The following ANO3 variants were observed in gnomAD, a reference collection of about 807,000 sequenced individuals.
ANO3 encodes the protein anoctamin 3.
In ANO3, 99 loss-of-function variants were observed where a neutral mutation model predicts 144.8. The ratio of observed to expected loss-of-function variants is 0.68; its 90% confidence interval spans 0.58 to 0.81. The LOEUF is 0.81. Among genes scored for constraint, ANO3 ranks in the 30% least tolerant of loss-of-function variants. The pLI, the probability that ANO3 is intolerant of heterozygous loss-of-function variation, is 0.00. For missense variants in ANO3, 905 were observed against 1,202.2 expected, an observed-to-expected ratio of 0.75 and a Z score of 3.66; for synonymous variants, 414 against 392.6, an observed-to-expected ratio of 1.05 and a Z score of -0.64.
chr11:26,348,699 TTTTA>T (rs1855559379), intron 1 of ANO3, among the ~76,000 whole-genome samples: 1 of 152,222 alleles, frequency 6.6e-6, no homozygotes, highest in African/African-American at 2.4e-5. Context: ...CACTCATTTA[TTTTA>T]TTTACTCATT....
rs758291457 is a variant in ANO3, at chr11:26,643,215, C to T, written c.2309C>T (p.Ala770Val). The change falls in exon 23 of 27, where the codon GCG (alanine) becomes GTG (valine). Residue 770 changes from alanine to valine, a missense_variant. By Grantham distance (64) the Ala-to-Val change is moderately conservative (BLOSUM62 0). Transcript: ENST00000256737. ...LQFGFTTIFV[A>V]AFPLAPLLAL... ...TTTGGTTTTACCACCATCTTTGTTG[C>T]GGCTTTTCCTCTAGCCCCTCTTTTG... 6 of 1,613,908 alleles carry T rather than the reference C, an allele frequency of 3.7e-6. No homozygotes were observed. Among genetic ancestry groups the T allele is most frequent in the East Asian group, 2.2e-5 (1 of 44,874 alleles).
intron 14 of ANO3, chr11:26,565,931 A>G (rs1404005960): frequency 2.0e-6 from 3 of 1,503,360 alleles, no homozygotes; most frequent in Non-Finnish European, 1.8e-6. Flanking sequence ...AATTCCTTAA[A>G]TAAAATACTC....
chr11:26,190,836 C>G (rs75348551), intron 1 of ANO3, among the ~76,000 whole-genome samples: 2,316 of 152,328 alleles, frequency 0.015, 49 homozygotes, highest in East Asian at 0.13. Flanking sequence ...ATGCCTCAAA[C>G]TCAACACATC....
intron 11 of ANO3, 129 bp downstream of exon 11, chr11:26,542,197 T>C: frequency 2.0e-6 from 2 of 1,003,034 alleles, no homozygotes; most frequent in Non-Finnish European, 2.7e-6. Context: ...ATAAGATTTT[T>C]CAGTAAAAGA....
At chr11:26,500,631 A>G (rs1861155329) in intron 4 of ANO3, among the ~76,000 whole-genome samples, 1 of 152,102 alleles carries the variant, frequency 6.6e-6, no homozygotes, top group Admixed American at 6.6e-5. Context: ...TCATTCATCC[A>G]TTTTTAATTG....
At chr11:26,656,351 T>C in intron 25 of ANO3, 25 bp from the exon 26 acceptor site, 1 of 1,536,494 alleles carries the variant, frequency 6.5e-7, no homozygotes. Flanking sequence ...CTATTTGTCA[T>C]TCTCTTTGTT....
chr11:26,489,062 G>A (rs188023870), intron 4 of ANO3, among the ~76,000 whole-genome samples: 14 of 152,268 alleles, frequency 9.2e-5, no homozygotes, highest in Admixed American at 7.8e-4. Flanking sequence ...GTGCCCACCC[G>A]ACCCAGAAGC....
rs540772823 is a variant in ANO3 at position 26,379,598 on chromosome 11, A to G, written c.46+47277A>G. On this transcript the variant is annotated intron_variant, in intron 1 of 26. Coordinates refer to ENST00000256737, the MANE Select transcript of ANO3 (RefSeq NM_031418.4). ...GGAGTTCAAGACCAGCTTGGGCAAC[A>G]TGATGAAACTCTGTCTCTACCAAAA... Among the ~76,000 whole-genome samples the G allele has an allele frequency of 1.9e-3, 282 of 152,152 alleles. 1 individual carries two copies. The highest frequency in any genetic ancestry group is 6.3e-3 in the African/African-American group (262 of 41,518).
At chr11:26,529,249 ATAT>A (rs1849271731) in intron 7 of ANO3, among the ~76,000 whole-genome samples, 1 of 564 alleles carries the variant, frequency 1.8e-3, no homozygotes, top group Non-Finnish European at 0.014. Context: ...TATATAATAT[ATAT>A]TATATAATAT....
intron 13 of ANO3, chr11:26,559,173 T>C (rs1162237586): frequency 6.6e-6 from 1 of 152,370 alleles, no homozygotes; most frequent in Admixed American, 6.5e-5. Context: ...TGTTCAGTGA[T>C]TTATGAAACT....
chr11:26,419,145 G>A (rs1259255518), intron 1 of ANO3, among the ~76,000 whole-genome samples: 1 of 152,072 alleles, frequency 6.6e-6, no homozygotes, highest in Non-Finnish European at 1.5e-5. Flanking sequence ...CACTTCCCAT[G>A]GCCAGAGCGG....
chr11:26,585,610 A>C (rs1232930629), intron 14 of ANO3, among the ~76,000 whole-genome samples: 1 of 152,008 alleles, frequency 6.6e-6, no homozygotes, highest in Non-Finnish European at 1.5e-5. Context: ...TCTCCAGGAT[A>C]CTTCTTTATT....
At chr11:26,480,676 C>T (rs1430969064) in intron 4 of ANO3, among the ~76,000 whole-genome samples, 1 of 151,924 alleles carries the variant, frequency 6.6e-6, no homozygotes, top group Non-Finnish European at 1.5e-5. Context: ...GGCGTGGTGG[C>T]TCGTACCTGT....
chr11:26,206,981 G>A (rs1851807489), intron 1 of ANO3, among the ~76,000 whole-genome samples: 1 of 152,108 alleles, frequency 6.6e-6, no homozygotes. Flanking sequence ...AATATTACGT[G>A]ATATCATTTG....
At chr11:26,214,671 A>G (rs1852001928) in intron 1 of ANO3, among the ~76,000 whole-genome samples, 1 of 151,978 alleles carries the variant, frequency 6.6e-6, no homozygotes. Flanking sequence ...GAATCACCAC[A>G]TACACCACAC....
At chr11:26,454,924 T>C (rs75726630) in intron 3 of ANO3, among the ~76,000 whole-genome samples, 76,947 of 133,522 alleles carry the variant, frequency 0.58, 23,399 homozygotes, top group Admixed American at 0.73. Flanking sequence ...TCAATATACG[T>C]AAATCAATAA....
chr11:26,331,963 G>A, upstream of ANO3: 1 of 532,878 alleles, frequency 1.9e-6, no homozygotes, highest in South Asian at 2.4e-5. Context: ...CTCCAGTAAA[G>A]TCTTCTGCTC....
intron 1 of ANO3, among the ~76,000 whole-genome samples, chr11:26,202,728 A>G (rs537538659): frequency 8.7e-5 from 12 of 137,888 alleles, no homozygotes; most frequent in African/African-American, 3.0e-4. Context: ...ACAGTTGAGG[A>G]AAAAAAAAAT....
chr11:26,276,179 A>T (rs1017536185), intron 1 of ANO3, among the ~76,000 whole-genome samples: 2 of 152,160 alleles, frequency 1.3e-5, no homozygotes, highest in Non-Finnish European at 2.9e-5. Flanking sequence ...CCCATTTTTC[A>T]TATCGGTATC....
Sources: gnomAD v4.1 joint callset for allele counts (sites outside exome capture counted in the v4.1 genomes callset) on GRCh38, gnomAD v4.1.1 for gene constraint, MANE v1.5 for transcripts, NCBI Gene and HGNC (gene_info 2026-07-23, HGNC 2026-07-21) for gene names.